Variants in ASB3 observed in about 807,000 individuals in gnomAD.
ASB3 encodes ankyrin repeat and SOCS box containing 3.
In ASB3, 41 loss-of-function variants were observed where a neutral mutation model predicts 54.5. The ratio of observed to expected loss-of-function variants is 0.75; its 90% confidence interval spans 0.59 to 0.98. The LOEUF (loss-of-function observed/expected upper bound fraction) is 0.98, where lower values mean the gene tolerates loss of function less well. Among genes scored for constraint, ASB3 ranks in the 50% least tolerant of loss-of-function variants. ASB3 has a pLI of 0.00. For missense variants in ASB3, 733 were observed against 620.0 expected (o/e 1.18, Z -1.94); for synonymous variants, 266 against 221.2 (o/e 1.20, Z -1.80).
rs1293065348 is a variant in ASB3 at position 53,750,950 on chromosome 2, G to C, written c.197-9C>G. 1.3e-6 allele frequency: 2 copies of C among 1,516,610 alleles called. No homozygotes were observed. The highest frequency in any genetic ancestry group is 1.4e-5 in the African/African-American group (1 of 71,080). 93.9% of individuals were successfully genotyped at this position (1,516,610 alleles called of 1,614,324 possible). On this transcript the variant is annotated splice_polypyrimidine_tract_variant and intron_variant, in intron 2 of 9. Coordinates refer to ENST00000263634, the MANE Select transcript of ASB3 (RefSeq NM_016115.5). ...GTAGTTTTCAGATGAATCTGTGGAA[G>C]AATCAAAGCCCATCAACTAGAAGGT...
chr2:53,765,948 T>A (rs1410397979), intron 1 of ASB3, among the ~76,000 whole-genome samples: 1 of 138,170 alleles, frequency 7.2e-6, no homozygotes, highest in Non-Finnish European at 1.7e-5. Context: ...GCTCCATTGA[T>A]AAGAGCACCT....
intron 8 of ASB3, among the ~76,000 whole-genome samples, chr2:53,698,259 C>T (rs1669295012): frequency 6.6e-6 from 1 of 152,166 alleles, no homozygotes. Context: ...GGAGGGACAG[C>T]CTCAAAGATC....
intron 1 of ASB3, among the ~76,000 whole-genome samples, chr2:53,772,743 G>A (rs780901456): frequency 6.6e-6 from 1 of 152,124 alleles, no homozygotes; most frequent in Non-Finnish European, 1.5e-5. Flanking sequence ...TGCAGGATGT[G>A]CAAGTTTGTT....
chr2:53,716,872 A>C, intron 5 of ASB3, 129 bp from the exon 6 acceptor site: 1 of 1,025,802 alleles, frequency 9.7e-7, no homozygotes, highest in Non-Finnish European at 1.4e-6. Flanking sequence ...TGAATGTTGG[A>C]TGTTGTTATA....
chr2:53,747,999 A>G (rs75396675), intron 3 of ASB3, among the ~76,000 whole-genome samples: 1,629 of 152,360 alleles, frequency 0.011, 29 homozygotes, highest in African/African-American at 0.037. Flanking sequence ...AAACACAGAC[A>G]ACAGCAAGAT....
intron 8 of ASB3, 86 bp from the exon 9 acceptor site, chr2:53,694,100 A>G: frequency 6.7e-7 from 1 of 1,483,716 alleles, no homozygotes. Context: ...ACCTATTCTT[A>G]CAAAATCTCA....
chr2:53,774,642 G>A (rs1316720541), intron 1 of ASB3: 5 of 734,586 alleles, frequency 6.8e-6, no homozygotes, highest in Non-Finnish European at 1.0e-5. Context: ...TATTTTAACT[G>A]GAAATGTCCT....
chr2:53,782,026 T>C (rs1674676617), intron 1 of ASB3, among the ~76,000 whole-genome samples: 1 of 152,058 alleles, frequency 6.6e-6, no homozygotes, highest in South Asian at 2.1e-4. Flanking sequence ...ATAAAAAAAT[T>C]AGCTAGGCAG....
chr2:53,700,592 C>T lies in ASB3; in HGVS notation c.981-64G>A, dbSNP rs1669433563. ...AGACTTTGACATAAGATACTTCTTA[C>T]AAACAGTTAATAGTAGTTACAGCTG... On this transcript the variant is annotated intron_variant, in intron 7 of 9. Coordinates refer to ENST00000263634, the MANE Select transcript of ASB3 (RefSeq NM_016115.5). 39 of 1,536,118 alleles carry T rather than the reference C, an allele frequency of 2.5e-5. No homozygotes were observed. In the South Asian group the frequency reaches 5.0e-4, roughly 20 times the overall value.
intron 7 of ASB3, among the ~76,000 whole-genome samples, chr2:53,714,133 C>T (rs1367643633): frequency 2.0e-5 from 3 of 152,010 alleles, no homozygotes; most frequent in Non-Finnish European, 2.9e-5. Flanking sequence ...TTAAATTGTA[C>T]GTATTCCCTA....
chr2:53,757,167 C>T (rs1672879425), intron 2 of ASB3, among the ~76,000 whole-genome samples: 2 of 152,228 alleles, frequency 1.3e-5, no homozygotes, highest in Non-Finnish European at 2.9e-5. Context: ...CTATTCTGTC[C>T]TATCCTTCCT....
At chr2:53,737,458 C>G (rs549006729) in intron 3 of ASB3, among the ~76,000 whole-genome samples, 1 of 152,144 alleles carries the variant, frequency 6.6e-6, no homozygotes, top group Non-Finnish European at 1.5e-5. Context: ...GGAAGTTGCC[C>G]AAGGGTCCTT....
chr2:53,725,149 G>A (rs1670923266), intron 5 of ASB3, among the ~76,000 whole-genome samples: 1 of 152,200 alleles, frequency 6.6e-6, no homozygotes, highest in Admixed American at 6.5e-5. Flanking sequence ...CATGGATGCA[G>A]CTGGAGGCCA....
intron 9 of ASB3, among the ~76,000 whole-genome samples, chr2:53,680,275 G>A (rs997893447): frequency 2.6e-5 from 4 of 152,180 alleles, no homozygotes; most frequent in Non-Finnish European, 5.9e-5. Context: ...TGGGATTGCT[G>A]GATCGAACAG....
At chr2:53,763,073 G>C (rs1176519022) in intron 2 of ASB3, among the ~76,000 whole-genome samples, 2 of 152,116 alleles carry the variant, frequency 1.3e-5, no homozygotes, top group African/African-American at 4.8e-5. Context: ...AAACCTCAGG[G>C]AGGTAGGAAA....
chr2:53,741,719 C>T (rs1007188150), intron 3 of ASB3, among the ~76,000 whole-genome samples: 4 of 152,148 alleles, frequency 2.6e-5, no homozygotes, highest in Non-Finnish European at 4.4e-5. Flanking sequence ...TGAATATGGA[C>T]TTCCAATTTT....
intron 1 of ASB3, chr2:53,774,125 T>G (rs766609404): frequency 1.3e-6 from 2 of 1,572,764 alleles, no homozygotes; most frequent in Non-Finnish European, 1.7e-6. Context: ...CAGTGTATTC[T>G]TTTCATTTTT....
At chr2:53,705,746 T>C (rs557393824) in intron 7 of ASB3, among the ~76,000 whole-genome samples, 1 of 152,354 alleles carries the variant, frequency 6.6e-6, no homozygotes, top group Non-Finnish European at 1.5e-5. Flanking sequence ...CCTGACGCTC[T>C]TGTTTTTTTC....
intron 1 of ASB3, chr2:53,768,193 AC>A: frequency 1.3e-6 from 1 of 750,780 alleles, no homozygotes; most frequent in Non-Finnish European, 2.1e-6. Context: ...GCCATCTCTA[AC>A]CCAGCCCGGG....
Sources: allele counts gnomAD v4.1 joint callset (sites outside exome capture counted in the v4.1 genomes callset), GRCh38; gene constraint gnomAD v4.1.1; transcripts MANE v1.5; gene names NCBI Gene and HGNC (gene_info 2026-07-23, HGNC 2026-07-21).